CDH12: variants seen among roughly 807,000 people sequenced by gnomAD.
The protein encoded by CDH12 is cadherin 12.
In CDH12, 41 loss-of-function variants were observed where a neutral mutation model predicts 74.1. That is an observed-to-expected ratio of 0.55 (90% confidence interval 0.43 to 0.72). The LOEUF (loss-of-function observed/expected upper bound fraction) is 0.72, where lower values mean the gene tolerates loss of function less well. Among genes scored for constraint, CDH12 ranks in the 30% least tolerant of loss-of-function variants. The probability of loss-of-function intolerance (pLI) is 0.00; values close to 1 mark genes in which losing one functional copy is unlikely to be tolerated. For synonymous variants in CDH12, 399 were observed against 355.0 expected (o/e 1.12, Z -1.39); for missense variants, 945 against 977.2 (o/e 0.97, Z 0.44).
At chr5:21,780,321 G>T (rs1039602856) in intron 11 of CDH12, among the ~76,000 whole-genome samples, 3 of 152,144 alleles carry the variant, frequency 2.0e-5, no homozygotes, top group Admixed American at 2.0e-4. Flanking sequence ...CCACTATAAA[G>T]GTTCATACTT....
chr5:22,246,306 G>A (rs11750553), intron 3 of CDH12, among the ~76,000 whole-genome samples: 63,033 of 151,838 alleles, frequency 0.42, 14,151 homozygotes, highest in Admixed American at 0.53. Flanking sequence ...ACATTCTAAA[G>A]TACTGTATTC....
intron 3 of CDH12, among the ~76,000 whole-genome samples, chr5:22,233,058 C>A (rs1412323476): frequency 6.6e-6 from 1 of 150,906 alleles, no homozygotes; most frequent in Non-Finnish European, 1.5e-5. Context: ...TATAGCTTTA[C>A]CTTTACTATT....
chr5:21,822,258 G>A (rs901384869), intron 8 of CDH12, among the ~76,000 whole-genome samples: 8 of 140,942 alleles, frequency 5.7e-5, no homozygotes, highest in Non-Finnish European at 9.5e-5. Flanking sequence ...TATAATATTT[G>A]TATAGTCTAT....
At chr5:21,876,147 G>A (rs1300897781) in intron 6 of CDH12, among the ~76,000 whole-genome samples, 2 of 152,064 alleles carry the variant, frequency 1.3e-5, no homozygotes, top group African/African-American at 4.8e-5. Flanking sequence ...ACCTTCCTCA[G>A]CCTCCCAAAG....
intron 3 of CDH12, among the ~76,000 whole-genome samples, chr5:22,291,133 A>G (rs1737370839): frequency 6.6e-6 from 1 of 152,198 alleles, no homozygotes; most frequent in Admixed American, 6.5e-5. Context: ...GATTATTTCA[A>G]TAGGAGCAGA....
intron 1 of CDH12, among the ~76,000 whole-genome samples, chr5:22,789,878 A>T (rs71611208): frequency 6.6e-6 from 1 of 151,886 alleles, no homozygotes; most frequent in Non-Finnish European, 1.5e-5. Context: ...TAAATATAAA[A>T]CAGTTTTCTT....
At position 22,705,130 on chromosome 5, in the gene CDH12, T is replaced by TATAC. The variant is rs752782183; in HGVS notation, c.-523+147927_-523+147928insGTAT. Among the ~76,000 whole-genome samples the TATAC allele has an allele frequency of 5.0e-3, 632 of 125,602 alleles. 8 individuals carry two copies. Among genetic ancestry groups the TATAC allele is most frequent in the African/African-American group, 0.017 (564 of 32,782 alleles). 82.4% of individuals were successfully genotyped at this position (125,602 alleles called of 152,430 possible). A position where few individuals can be genotyped will look rare whatever the true frequency, so the allele number is the denominator to read the frequency against. ...CCCCACCCAGTCATATATATATATA[T>TATAC]ACACACACACACACACACACACACA... On this transcript the variant is annotated intron_variant, in intron 1 of 14. Transcript: ENST00000382254.
At chr5:22,621,960 A>G (rs930420117) in intron 1 of CDH12, among the ~76,000 whole-genome samples, 3 of 152,144 alleles carry the variant, frequency 2.0e-5, no homozygotes, top group Non-Finnish European at 4.4e-5. Context: ...TAATAATTCT[A>G]TAGAAAAGAA....
intron 4 of CDH12, among the ~76,000 whole-genome samples, chr5:22,205,503 A>T (rs1179415619): frequency 6.6e-6 from 1 of 152,140 alleles, no homozygotes; most frequent in Non-Finnish European, 1.5e-5. Context: ...AAATTATCCA[A>T]AATTTATATC....
At chr5:22,846,901 C>A (rs1737329654) in intron 1 of CDH12, among the ~76,000 whole-genome samples, 1 of 151,972 alleles carries the variant, frequency 6.6e-6, no homozygotes, top group African/African-American at 2.4e-5. Context: ...TAATTGTCAG[C>A]AAAATGTAAA....
At chr5:22,205,097 T>C (rs539085163) in intron 4 of CDH12, among the ~76,000 whole-genome samples, 189 of 152,366 alleles carry the variant, frequency 1.2e-3, no homozygotes, top group African/African-American at 4.5e-3. Flanking sequence ...TGAACAAATA[T>C]GGTTGAATCT....
intron 1 of CDH12, among the ~76,000 whole-genome samples, chr5:22,724,301 T>A (rs1322251997): frequency 6.6e-6 from 1 of 151,922 alleles, no homozygotes; most frequent in African/African-American, 2.4e-5. Context: ...AGTCATTTAG[T>A]GTTGATTTCT....
intron 3 of CDH12, among the ~76,000 whole-genome samples, chr5:22,401,371 A>G (rs981551283): frequency 3.3e-5 from 5 of 152,174 alleles, no homozygotes; most frequent in Non-Finnish European, 7.4e-5. Context: ...CCAAAAAGCA[A>G]TCATCTATTA....
intron 3 of CDH12, among the ~76,000 whole-genome samples, chr5:22,268,439 C>T (rs894207995): frequency 6.6e-6 from 1 of 151,914 alleles, no homozygotes; most frequent in Non-Finnish European, 1.5e-5. Flanking sequence ...AAAGAGAATG[C>T]CCAACTCTAT....
chr5:22,075,778 C>G (rs1742276475), intron 5 of CDH12, among the ~76,000 whole-genome samples: 1 of 152,030 alleles, frequency 6.6e-6, no homozygotes, highest in Non-Finnish European at 1.5e-5. Context: ...TCCTAACCCC[C>G]CAAGTTGTCC....
intron 3 of CDH12, among the ~76,000 whole-genome samples, chr5:22,376,937 T>G (rs1741555524): frequency 6.6e-6 from 1 of 152,122 alleles, no homozygotes; most frequent in African/African-American, 2.4e-5. Context: ...GTTTAGCAGG[T>G]AAACAGAAAT....
chr5:22,006,860 TTTA>T (rs1420904328), intron 5 of CDH12, among the ~76,000 whole-genome samples: 1 of 152,120 alleles, frequency 6.6e-6, no homozygotes, highest in African/African-American at 2.4e-5. Flanking sequence ...AGAACAGCTT[TTTA>T]TTATTATTAA....
intron 4 of CDH12, among the ~76,000 whole-genome samples, chr5:22,156,170 G>A (rs1010945790): frequency 9.9e-5 from 15 of 152,246 alleles, no homozygotes; most frequent in Non-Finnish European, 1.9e-4. Flanking sequence ...AATTGTGCAT[G>A]AGCACACTCT....
intron 1 of CDH12, among the ~76,000 whole-genome samples, chr5:22,657,218 A>C (rs975150961): frequency 4.6e-5 from 7 of 152,156 alleles, no homozygotes; most frequent in African/African-American, 1.7e-4. Context: ...AAACAAAATC[A>C]TAATAGTGGT....
Sources: gnomAD v4.1 joint callset for allele counts (sites outside exome capture counted in the v4.1 genomes callset) on GRCh38, gnomAD v4.1.1 for gene constraint, MANE v1.5 for transcripts, NCBI Gene and HGNC (gene_info 2026-07-23, HGNC 2026-07-21) for gene names.